The following POU6F2 variants were observed in gnomAD, a reference collection of about 807,000 sequenced individuals.
The protein encoded by POU6F2 is POU class 6 homeobox 2, also known as POU domain, class 6, transcription factor 2.
Under a neutral mutation model 71.3 loss-of-function variants are expected in POU6F2, and 31 were observed. The ratio of observed to expected loss-of-function variants is 0.43; its 90% CI spans 0.33 to 0.59. The LOEUF is 0.59. POU6F2 is among the 20% of genes least tolerant of loss of function. The pLI is 0.04. For missense variants in POU6F2, 783 were observed against 856.8 expected (o/e 0.91, Z 1.07); for synonymous variants, 347 against 355.7 (o/e 0.98, Z 0.27).
intron 1 of POU6F2, chr7:39,013,253 C>G (rs34807615): frequency 2.0e-5 from 3 of 152,452 alleles, no homozygotes; most frequent in African/African-American, 7.3e-5. Context: ...TAAGCCAGTC[C>G]GAAAAGCGCA....
intron 5 of POU6F2, among the ~76,000 whole-genome samples, chr7:39,366,927 G>A (rs1263550594): frequency 6.6e-6 from 1 of 152,098 alleles, no homozygotes; most frequent in Non-Finnish European, 1.5e-5. Flanking sequence ...TACTTCCGGT[G>A]GCCTCCAGGG....
chr7:39,234,948 A>G (rs1794647268), intron 4 of POU6F2, among the ~76,000 whole-genome samples: 1 of 152,142 alleles, frequency 6.6e-6, no homozygotes, highest in African/African-American at 2.4e-5. Context: ...CTTTCTCCCT[A>G]TGTTCAGAAG....
At chr7:39,254,395 C>G (rs117428693) in intron 4 of POU6F2, among the ~76,000 whole-genome samples, 1 of 152,134 alleles carries the variant, frequency 6.6e-6, no homozygotes. Flanking sequence ...TGTTTCCATG[C>G]TAGTCTGGAT....
chr7:39,421,500 G>T (rs1410397811), intron 6 of POU6F2, among the ~76,000 whole-genome samples: 4 of 152,020 alleles, frequency 2.6e-5, no homozygotes, highest in Non-Finnish European at 1.5e-5. Context: ...GGCTTGTTTT[G>T]TTGTTTGTCC....
intron 5 of POU6F2, among the ~76,000 whole-genome samples, chr7:39,350,873 C>T (rs749852247): frequency 2.6e-5 from 4 of 152,222 alleles, no homozygotes; most frequent in African/African-American, 4.8e-5. Context: ...ACCACGCCTG[C>T]GCTCCTACAG....
At chr7:39,263,472 A>G (rs1430746651) in intron 4 of POU6F2, among the ~76,000 whole-genome samples, 1 of 152,230 alleles carries the variant, frequency 6.6e-6, no homozygotes, top group Non-Finnish European at 1.5e-5. Flanking sequence ...AGACCTTTTA[A>G]GATCAGAGGA....
intron 4 of POU6F2, among the ~76,000 whole-genome samples, chr7:39,280,770 G>T (rs117647552): frequency 6.6e-6 from 1 of 152,166 alleles, no homozygotes; most frequent in East Asian, 1.9e-4. Context: ...TTAACATAGC[G>T]ATTGCTTTGG....
At chr7:39,444,838 T>C (rs1030786456) in intron 7 of POU6F2, among the ~76,000 whole-genome samples, 1 of 152,204 alleles carries the variant, frequency 6.6e-6, no homozygotes, top group Non-Finnish European at 1.5e-5. Flanking sequence ...ACAGACATTA[T>C]TTTTGTGTAG....
chr7:39,359,245 C>A (rs1415053604), intron 5 of POU6F2, among the ~76,000 whole-genome samples: 1 of 150,866 alleles, frequency 6.6e-6, no homozygotes, highest in Non-Finnish European at 1.5e-5. Flanking sequence ...AGGATTTGCT[C>A]ATCTACACCA....
intron 6 of POU6F2, among the ~76,000 whole-genome samples, chr7:39,410,003 G>A (rs1787520383): frequency 6.6e-6 from 1 of 152,206 alleles, no homozygotes; most frequent in African/African-American, 2.4e-5. Context: ...TCAAAGAACA[G>A]GCACTATTCA....
rs10241938 is a variant in POU6F2 at position 39,228,278 on chromosome 7, T to G, written c.598+20658T>G. ...TTCTATCCCAATTTAATATAAAATATTTTAAAACTTTTTCCTGAGAGCTGG... is the reference window on the plus strand; with the variant it reads ...TTCTATCCCAATTTAATATAAAATAGTTTAAAACTTTTTCCTGAGAGCTGG... On this transcript the variant is annotated intron_variant, in intron 4 of 9. Coordinates refer to ENST00000518318, the MANE Select transcript of POU6F2 (RefSeq NM_001370959.1). Among the ~76,000 whole-genome samples, 184 of 152,300 alleles carry G rather than the reference T, an allele frequency of 1.2e-3. 1 individual carries two copies. Among genetic ancestry groups the G allele is most frequent in the African/African-American group, 4.0e-3 (166 of 41,568 alleles).
chr7:39,318,807 T>C (rs896456537), intron 4 of POU6F2, among the ~76,000 whole-genome samples: 3 of 152,158 alleles, frequency 2.0e-5, no homozygotes, highest in African/African-American at 7.2e-5. Flanking sequence ...AACACTACTT[T>C]GCTTTAATAA....
At chr7:39,125,105 T>G (rs944233734) in intron 2 of POU6F2, among the ~76,000 whole-genome samples, 1 of 152,184 alleles carries the variant, frequency 6.6e-6, no homozygotes, top group Non-Finnish European at 1.5e-5. Flanking sequence ...TTCCTTTTTT[T>G]AAATTGCACT....
intron 2 of POU6F2, among the ~76,000 whole-genome samples, chr7:39,183,956 C>G (rs796571865): frequency 2.0e-5 from 3 of 152,232 alleles, no homozygotes; most frequent in African/African-American, 7.2e-5. Flanking sequence ...ACATAAAATC[C>G]ACTCAGAGTC....
intron 2 of POU6F2, among the ~76,000 whole-genome samples, chr7:39,191,479 T>C (rs1329261072): frequency 6.6e-6 from 1 of 152,212 alleles, no homozygotes; most frequent in African/African-American, 2.4e-5. Flanking sequence ...ACTGAAAACC[T>C]GTAAGTTATA....
At chr7:39,383,868 T>C (rs896422013) in intron 5 of POU6F2, among the ~76,000 whole-genome samples, 6 of 152,244 alleles carry the variant, frequency 3.9e-5, no homozygotes, top group African/African-American at 1.4e-4. Context: ...GCTTCTGTTT[T>C]TTCATCTCTC....
chr7:38,996,035 C>CTGTTTTTTT (rs1788726151), intron 1 of POU6F2, among the ~76,000 whole-genome samples: 1 of 85,390 alleles, frequency 1.2e-5, no homozygotes, highest in Non-Finnish European at 2.2e-5. Flanking sequence ...AGGGGCTTGG[C>CTGTTTTTTT]TTTTTTTTTT....
intron 2 of POU6F2, among the ~76,000 whole-genome samples, chr7:39,156,102 T>C (rs929718899): frequency 4.6e-5 from 7 of 152,176 alleles, no homozygotes; most frequent in Non-Finnish European, 4.4e-5. Flanking sequence ...AAAATGTCTA[T>C]ATCTCTCTCT....
rs141872570 is a variant in POU6F2, at chr7:39,143,298, A to G, written c.277+57267A>G. Among the ~76,000 whole-genome samples, 433 of 152,300 alleles carry G rather than the reference A, an allele frequency of 2.8e-3. 1 individual carries two copies. Among genetic ancestry groups the G allele is most frequent in the African/African-American group, 9.9e-3 (410 of 41,564 alleles). ...GTTAAGCACTATTCTCTTTGTGGGC[A>G]AGGCAAGAAACCGAGTTCCGTATAC... On this transcript the variant is annotated intron_variant, in intron 2 of 9. Coordinates refer to ENST00000518318, the MANE Select transcript of POU6F2 (RefSeq NM_001370959.1).
Sources: allele counts gnomAD v4.1 joint callset (sites outside exome capture counted in the v4.1 genomes callset), GRCh38; gene constraint gnomAD v4.1.1; transcripts MANE v1.5; gene names NCBI Gene and HGNC (gene_info 2026-07-23, HGNC 2026-07-21).